Variants in RGS22 observed in about 807,000 individuals in gnomAD.
The protein encoded by RGS22 is regulator of G protein signaling 22, also known as regulator of G-protein signaling 22.
RGS22 carries 148 observed loss-of-function variants against 172.9 expected under a neutral mutation model. The observed-to-expected ratio is 0.86, with a 90% CI of 0.75 to 0.98. The LOEUF (loss-of-function observed/expected upper bound fraction) is 0.98, where lower values mean the gene tolerates loss of function less well. RGS22 is among the 50% of genes least tolerant of loss of function. The pLI is 0.00. For synonymous variants in RGS22, 458 were observed against 480.2 expected, an observed-to-expected ratio of 0.95 and a Z score of 0.60; for missense variants, 1,347 against 1,440.8, an observed-to-expected ratio of 0.93 and a Z score of 1.05.
intron 14 of RGS22, among the ~76,000 whole-genome samples, chr8:100,017,643 A>T (rs1236247725): frequency 6.6e-6 from 1 of 152,212 alleles, no homozygotes; most frequent in Non-Finnish European, 1.5e-5. Flanking sequence ...TTGTATATTT[A>T]AAACAAAAGT....
At chr8:100,041,713 T>C in intron 12 of RGS22, 89 bp downstream of exon 12, 2 of 708,392 alleles carry the variant, frequency 2.8e-6, no homozygotes, top group South Asian at 1.9e-5. Context: ...GAAAAAATAT[T>C]ATGATAAATC....
intron 2 of RGS22, among the ~76,000 whole-genome samples, chr8:100,095,093 C>A (rs1812862996): frequency 1.3e-5 from 2 of 152,208 alleles, no homozygotes; most frequent in Admixed American, 1.3e-4. Context: ...TCTGAAATTT[C>A]TAATTTTCAG....
intron 10 of RGS22, among the ~76,000 whole-genome samples, chr8:100,051,440 AT>A (rs1303585280): frequency 3.0e-5 from 3 of 100,770 alleles, no homozygotes; most frequent in Admixed American, 1.3e-4. Flanking sequence ...ATATTTATAT[AT>A]TTATTTATAT....
At chr8:100,082,073 G>T (rs1361887570) in intron 3 of RGS22, among the ~76,000 whole-genome samples, 2 of 152,030 alleles carry the variant, frequency 1.3e-5, no homozygotes, top group Non-Finnish European at 1.5e-5. Context: ...ATTAGGAGGG[G>T]CTATTGATAC....
At chr8:99,974,128 C>G (rs1274927858) in intron 23 of RGS22, among the ~76,000 whole-genome samples, 1 of 152,130 alleles carries the variant, frequency 6.6e-6, no homozygotes, top group Non-Finnish European at 1.5e-5. Flanking sequence ...ATCTCTGAAG[C>G]TAAGCAGAAT....
At position 100,063,794 on chromosome 8, in the gene RGS22, C is replaced by G; in HGVS notation, c.974G>C (p.Arg325Thr). The G allele has an allele frequency of 6.2e-7, 1 of 1,614,026 alleles. No homozygotes were observed. Among genetic ancestry groups the G allele is most frequent in the Non-Finnish European group, 8.5e-7 (1 of 1,179,992 alleles). Residue 325 changes from arginine to threonine, a missense_variant, in exon 8 of 28, where the codon AGA becomes ACA. Transcript: ENST00000360863. ...FLSSYIYFIL[R>T]GAIQQIVGKP... ...TCCAACAATTTGCTGAATTGCTCCTCTCAAAATAAAGTATATATAGGAGCT... is the reference window on the plus strand; with the variant it reads ...TCCAACAATTTGCTGAATTGCTCCTGTCAAAATAAAGTATATATAGGAGCT...
Position 100,081,082 on chromosome 8 carries a change from T to C in RGS22, c.118-727A>G, listed in dbSNP as rs566696297. 2.0e-5 allele frequency among the ~76,000 whole-genome samples: 3 copies of C among 152,250 alleles called. No individual in the cohort carries two copies. In the South Asian group the frequency reaches 6.2e-4, roughly 32 times the overall value. ...GTGAATTGGCCATGTCTTTTCCCATTTGTCTTCCAAATCTAGAATCAGGTC... is the reference window on the plus strand; with the variant it reads ...GTGAATTGGCCATGTCTTTTCCCATCTGTCTTCCAAATCTAGAATCAGGTC... On this transcript the variant is annotated intron_variant, in intron 3 of 27. Coordinates refer to ENST00000360863, the MANE Select transcript of RGS22 (RefSeq NM_015668.5).
chr8:100,038,067 A>G (rs1026842233), intron 14 of RGS22, among the ~76,000 whole-genome samples: 3 of 152,192 alleles, frequency 2.0e-5, no homozygotes, highest in Non-Finnish European at 4.4e-5. Flanking sequence ...TGATGAAGCT[A>G]GTTTCCTTAG....
chr8:100,076,799 C>A (rs939331408), intron 4 of RGS22, among the ~76,000 whole-genome samples: 6 of 151,610 alleles, frequency 4.0e-5, no homozygotes, highest in East Asian at 3.9e-4. Context: ...TCGAGAGCAG[C>A]CTGGCCGACA....
At chr8:100,089,910 C>G (rs908126032) in intron 3 of RGS22, among the ~76,000 whole-genome samples, 2 of 152,000 alleles carry the variant, frequency 1.3e-5, no homozygotes, top group South Asian at 4.2e-4. Context: ...CCTGTGTGGA[C>G]CATTATTTAC....
chr8:100,043,408 T>A (rs1820354808), intron 11 of RGS22, among the ~76,000 whole-genome samples: 1 of 152,212 alleles, frequency 6.6e-6, no homozygotes, highest in Admixed American at 6.5e-5. Context: ...TCTAGGCATA[T>A]CAACAGACTC....
chr8:100,049,054 A>G (rs1380026109), intron 10 of RGS22, among the ~76,000 whole-genome samples: 1 of 152,214 alleles, frequency 6.6e-6, no homozygotes, highest in Non-Finnish European at 1.5e-5. Flanking sequence ...AAAGGCCTAT[A>G]TTAGACTTTT....
At chr8:100,050,698 G>A (rs947724733) in intron 10 of RGS22, among the ~76,000 whole-genome samples, 1 of 152,044 alleles carries the variant, frequency 6.6e-6, no homozygotes, top group Non-Finnish European at 1.5e-5. Context: ...AAAATGTAGG[G>A]TTATTTATTT....
chr8:100,049,162 G>T (rs1279653709), intron 10 of RGS22, among the ~76,000 whole-genome samples: 1 of 152,164 alleles, frequency 6.6e-6, no homozygotes, highest in Non-Finnish European at 1.5e-5. Flanking sequence ...CTGAGGAAGG[G>T]TCACAGTGGA....
intron 20 of RGS22, among the ~76,000 whole-genome samples, chr8:99,990,578 G>A (rs1400908890): frequency 2.0e-5 from 3 of 152,170 alleles, no homozygotes; most frequent in Non-Finnish European, 4.4e-5. Context: ...TGGTTCTTGG[G>A]CAAGTCACTG....
intron 9 of RGS22, among the ~76,000 whole-genome samples, chr8:100,054,039 T>C (rs1374615968): frequency 6.6e-6 from 1 of 152,204 alleles, no homozygotes; most frequent in East Asian, 1.9e-4. Flanking sequence ...TTTACAACAA[T>C]TTATATAAAT....
intron 14 of RGS22, among the ~76,000 whole-genome samples, chr8:100,018,223 A>C: frequency 6.6e-6 from 1 of 152,158 alleles, no homozygotes; most frequent in Admixed American, 6.6e-5. Context: ...AAAAAAAAAA[A>C]AAAAAAGTAA....
chr8:100,069,033 A>G (rs1810752704), intron 6 of RGS22, among the ~76,000 whole-genome samples: 1 of 152,230 alleles, frequency 6.6e-6, no homozygotes, highest in Admixed American at 6.5e-5. Flanking sequence ...TCCAGTGGAA[A>G]TAATGGAACT....
intron 14 of RGS22, among the ~76,000 whole-genome samples, chr8:100,024,385 G>A (rs1029264701): frequency 6.6e-6 from 1 of 152,192 alleles, no homozygotes; most frequent in Admixed American, 6.5e-5. Flanking sequence ...TCAGCTGGCT[G>A]TCATTTCCAA....
Sources: gnomAD v4.1 joint callset for allele counts (sites outside exome capture counted in the v4.1 genomes callset) on GRCh38, gnomAD v4.1.1 for gene constraint, MANE v1.5 for transcripts, NCBI Gene and HGNC (gene_info 2026-07-23, HGNC 2026-07-21) for gene names.